SH3BP5: variants seen among roughly 807,000 people sequenced by gnomAD.
SH3BP5 encodes the protein SH3 domain binding protein 5, also known as SH3 domain-binding protein 5.
Under a neutral mutation model 43.3 loss-of-function variants are expected in SH3BP5, and 22 were observed. The ratio of observed to expected loss-of-function variants is 0.51; its 90% CI spans 0.36 to 0.73. The LOEUF (loss-of-function observed/expected upper bound fraction) is 0.73. Ranked by LOEUF, SH3BP5 falls within the 30% of genes least tolerant of loss-of-function variation. SH3BP5 has a pLI of 0.00. For missense variants in SH3BP5, 529 were observed against 586.9 expected (o/e 0.90, Z 1.02); for synonymous variants, 255 against 225.8 (o/e 1.13, Z -1.16).
At chr3:15,263,797 T>G (rs1696537395) in intron 4 of SH3BP5, among the ~76,000 whole-genome samples, 1 of 152,196 alleles carries the variant, frequency 6.6e-6, no homozygotes, top group Admixed American at 6.5e-5. Flanking sequence ...TCAGGCCACA[T>G]AAGCAGCTTG....
rs1698755709 is a variant in SH3BP5 at position 15,340,749 on chromosome 3, C to A, written c.-402+474G>T. 2.0e-5 allele frequency among the ~76,000 whole-genome samples: 3 copies of A among 150,820 alleles called. No individual in the cohort carries two copies. In the South Asian group the frequency reaches 6.3e-4, roughly 32 times the overall value. On this transcript the variant is annotated intron_variant, in intron 1 of 8. Coordinates refer to the SH3BP5 transcript ENST00000408919. The stretch of plus-strand genomic sequence containing the variant: ...CTGGGTGACAGGAGAGAAACCCTGT[C>A]TCAAAAAATAAAAAAAAATTAGGCC...
intron 3 of SH3BP5, among the ~76,000 whole-genome samples, chr3:15,295,552 T>C (rs1697544925): frequency 6.6e-6 from 1 of 152,206 alleles, no homozygotes; most frequent in African/African-American, 2.4e-5. Context: ...ACAAGAAGGC[T>C]GTGATGCGCC....
chr3:15,302,929 C>T (rs1226363162), intron 3 of SH3BP5, among the ~76,000 whole-genome samples: 1 of 151,912 alleles, frequency 6.6e-6, no homozygotes, highest in Non-Finnish European at 1.5e-5. Flanking sequence ...ATGCCTCTGC[C>T]TCCCTAGTGA....
chr3:15,297,732 C>G (rs1025648022), intron 3 of SH3BP5, among the ~76,000 whole-genome samples: 1 of 151,962 alleles, frequency 6.6e-6, no homozygotes, highest in Non-Finnish European at 1.5e-5. Flanking sequence ...GAAAGATACA[C>G]GTGGCCTAGT....
chr3:15,273,399 C>T, intron 3 of SH3BP5: 1 of 985,366 alleles, frequency 1.0e-6, no homozygotes, highest in Non-Finnish European at 1.2e-6. Flanking sequence ...ATAAGAGAAC[C>T]AGATCTCTAC....
upstream of SH3BP5, chr3:15,333,001 G>C (rs1698655160): frequency 1.3e-6 from 1 of 761,842 alleles, no homozygotes; most frequent in South Asian, 6.0e-5. Flanking sequence ...TGGGAATGGC[G>C]GAGGTTCCGT....
At chr3:15,277,140 G>A (rs1326407752) in intron 3 of SH3BP5, among the ~76,000 whole-genome samples, 1 of 151,974 alleles carries the variant, frequency 6.6e-6, no homozygotes, top group African/African-American at 2.4e-5. Flanking sequence ...TAGTAGATAC[G>A]AAACAGGGTT....
At chr3:15,257,340 C>T (rs1421143850) in intron 7 of SH3BP5, 1 of 536,722 alleles carries the variant, frequency 1.9e-6, no homozygotes, top group Non-Finnish European at 3.3e-6. Context: ...AGCGCCCTTC[C>T]AATAACCTTA....
At chr3:15,261,750 CTT>C (rs1696450433) in intron 5 of SH3BP5, among the ~76,000 whole-genome samples, 1 of 151,984 alleles carries the variant, frequency 6.6e-6, no homozygotes, top group Non-Finnish European at 1.5e-5. Flanking sequence ...TTTATCAGCT[CTT>C]GATCACAGGA....
chr3:15,296,542 G>C (rs1424402743), intron 3 of SH3BP5, among the ~76,000 whole-genome samples: 1 of 152,068 alleles, frequency 6.6e-6, no homozygotes, highest in Non-Finnish European at 1.5e-5. Flanking sequence ...TAGGTGCTCA[G>C]TCAATAGCTA....
At chr3:15,325,802 T>G (rs1011370620) in intron 2 of SH3BP5, among the ~76,000 whole-genome samples, 1 of 152,140 alleles carries the variant, frequency 6.6e-6, no homozygotes, top group African/African-American at 2.4e-5. Context: ...GGCAGATCGC[T>G]CTCAGCTCCA....
In SH3BP5 at chr3:15,327,410, AAAC is replaced by A. The variant is rs1368492094; in HGVS notation, c.201+3091_201+3093del. On this transcript the variant is annotated intron_variant, in intron 2 of 8. Transcript: ENST00000383791. ...GTGAGACTCCGTCTCAGGAAAAAAA[AAAC>A]AAAACAAAACACTTGACTGTATATT... Among the ~76,000 whole-genome samples the A allele has an allele frequency of 1.0e-3, 158 of 150,862 alleles. 1 individual carries two copies. Among genetic ancestry groups the A allele is most frequent in the African/African-American group, 3.7e-3 (150 of 40,386 alleles).
At chr3:15,329,627 T>C (rs1698560005) in intron 2 of SH3BP5, among the ~76,000 whole-genome samples, 1 of 152,226 alleles carries the variant, frequency 6.6e-6, no homozygotes, top group Non-Finnish European at 1.5e-5. Flanking sequence ...TCCCACACTC[T>C]CACTCTTAGG....
intron 3 of SH3BP5, among the ~76,000 whole-genome samples, chr3:15,276,337 G>A (rs1696967353): frequency 1.3e-5 from 2 of 152,140 alleles, no homozygotes; most frequent in Non-Finnish European, 2.9e-5. Flanking sequence ...TTTTTCAAAG[G>A]AGAGCCCAGA....
intron 3 of SH3BP5, among the ~76,000 whole-genome samples, chr3:15,279,086 T>C (rs570922563): frequency 2.2e-4 from 33 of 152,110 alleles, no homozygotes; most frequent in Admixed American, 5.9e-4. Flanking sequence ...AGTAGAATCA[T>C]TGGAACCTGG....
chr3:15,303,701 A>G (rs1413786147), intron 3 of SH3BP5, among the ~76,000 whole-genome samples: 1 of 152,126 alleles, frequency 6.6e-6, no homozygotes, highest in Non-Finnish European at 1.5e-5. Flanking sequence ...GGAAAAAAAA[A>G]AAAAGAAAAA....
At chr3:15,309,116 CCACAGATAGT>C (rs1257322227) in intron 2 of SH3BP5, among the ~76,000 whole-genome samples, 1 of 152,096 alleles carries the variant, frequency 6.6e-6, no homozygotes, top group African/African-American at 2.4e-5. Flanking sequence ...AGCAGGATGT[CCACAGATAGT>C]CACTCAAATG....
chr3:15,258,220 G>A (rs1407243921), intron 7 of SH3BP5: 1 of 152,196 alleles, frequency 6.6e-6, no homozygotes, highest in Non-Finnish European at 1.5e-5. Context: ...AGACAGCGTT[G>A]GGTGGGTTTT....
Position 15,255,848 on chromosome 3 carries a change from CCA to C in SH3BP5, c.*236_*237del. The stretch of plus-strand genomic sequence containing the variant: ...CCACAATGCCGTTATACGGAATGTT[CCA>C]CAAAGGCTGTGAACCTAGTCACAGT... On this transcript the variant is annotated 3_prime_UTR_variant, in exon 9 of 9. Transcript: ENST00000383791. The C allele has an allele frequency of 2.1e-6, 1 of 480,416 alleles. No homozygotes were observed. Among genetic ancestry groups the C allele is most frequent in the East Asian group, 3.5e-5 (1 of 28,980 alleles). 29.8% of individuals were successfully genotyped at this position (480,416 alleles called of 1,614,324 possible). A position where few individuals can be genotyped will look rare whatever the true frequency, so the allele number is the denominator to read the frequency against.
Sources: gnomAD v4.1 joint callset for allele counts (sites outside exome capture counted in the v4.1 genomes callset) on GRCh38, gnomAD v4.1.1 for gene constraint, MANE v1.5 for transcripts, NCBI Gene and HGNC (gene_info 2026-07-23, HGNC 2026-07-21) for gene names.